The following RB1 variants were observed in gnomAD, a reference collection of about 807,000 sequenced individuals.
RB1 encodes retinoblastoma-associated protein.
In RB1, 18 loss-of-function variants were observed where a neutral mutation model predicts 135.4. The ratio of observed to expected loss-of-function variants is 0.13; its 90% CI spans 0.09 to 0.20. The LOEUF (loss-of-function observed/expected upper bound fraction) is 0.20, where lower values mean the gene tolerates loss of function less well. Ranked by LOEUF, RB1 falls within the 10% of genes least tolerant of loss-of-function variation. RB1 has a pLI of 1.00. For missense variants in RB1, 868 were observed against 1,110.0 expected, an observed-to-expected ratio of 0.78 and a Z score of 3.10; for synonymous variants, 365 against 373.2, an observed-to-expected ratio of 0.98 and a Z score of 0.25.
chr13:48,352,569 TC>T (rs1167789635), intron 6 of RB1, among the ~76,000 whole-genome samples: 3 of 152,150 alleles, frequency 2.0e-5, no homozygotes, highest in Non-Finnish European at 4.4e-5. Flanking sequence ...TAGAGAGCTT[TC>T]ACCTCCCTGG....
intron 2 of RB1, among the ~76,000 whole-genome samples, chr13:48,337,910 GA>G (rs2138077023): frequency 6.6e-6 from 1 of 152,262 alleles, no homozygotes; most frequent in African/African-American, 2.4e-5. Context: ...GTTTGCCTGT[GA>G]AGGATTTTAT....
chr13:48,325,528 G>A (rs533671014), intron 2 of RB1, among the ~76,000 whole-genome samples: 1 of 152,276 alleles, frequency 6.6e-6, no homozygotes, highest in South Asian at 2.1e-4. Context: ...AGTATAAACA[G>A]TAAAAAGTCT....
chr13:48,456,378 G>A (rs371761413), intron 19 of RB1, 29 bp downstream of exon 19: 11 of 1,611,434 alleles, frequency 6.8e-6, no homozygotes, highest in Non-Finnish European at 5.1e-6. Context: ...TCAAGAGCAT[G>A]GACTCTGAAA....
Position 48,373,511 on chromosome 13 carries a change from ATTAT to A in RB1, c.1215+25_1215+28del, listed in dbSNP as rs937437635. 1 of 1,449,708 alleles carries A rather than the reference ATTAT, an allele frequency of 6.9e-7. No homozygotes were observed. Among genetic ancestry groups the A allele is most frequent in the Admixed American group, 1.7e-5 (1 of 59,618 alleles). 89.8% of individuals were successfully genotyped at this position (1,449,708 alleles called of 1,614,324 possible). A position where few individuals can be genotyped will look rare whatever the true frequency, so the allele number is the denominator to read the frequency against. On this transcript the variant is annotated intron_variant, in intron 12 of 26. Transcript: ENST00000267163. ...TTTTAACGTAAGCCATATATGAAACATTATTTATTGTAATATCTTGGCAAAGAAA... is the reference window on the plus strand; with the variant it reads ...TTTTAACGTAAGCCATATATGAAACATTATTGTAATATCTTGGCAAAGAAA...
chr13:48,319,187 T>G lies in RB1; in HGVS notation c.264+11781T>G. The stretch of plus-strand genomic sequence containing the variant: ...CGTCTAGGCACCCCGGGCAAGGGTC[T>G]GTGGCCTTGGTGGCCACTGGCTTCC... On this transcript the variant is annotated intron_variant, in intron 2 of 26. Coordinates refer to ENST00000267163, the MANE Select transcript of RB1 (RefSeq NM_000321.3). The surrounding 1 kb of genome is among the most constrained non-coding windows in gnomAD (Gnocchi z 5.0). 1 of 636,636 alleles carries G rather than the reference T, an allele frequency of 1.6e-6. No homozygotes were observed. The highest frequency in any genetic ancestry group is 2.7e-5 in the Admixed American group (1 of 37,408). 39.4% of individuals were successfully genotyped at this position (636,636 alleles called of 1,614,324 possible).
intron 1 of RB1, among the ~76,000 whole-genome samples, chr13:48,305,626 A>G (rs1952074643): frequency 1.3e-5 from 2 of 151,554 alleles, no homozygotes; most frequent in African/African-American, 4.9e-5. Context: ...CATTTTATAT[A>G]TTTTAAGTAA....
intron 17 of RB1, among the ~76,000 whole-genome samples, chr13:48,449,249 A>G (rs1247930772): frequency 6.6e-6 from 1 of 152,214 alleles, no homozygotes; most frequent in African/African-American, 2.4e-5. Context: ...TAAAAGAGTA[A>G]ATCACTAAAA....
chr13:48,346,371 TG>T (rs1952498080), intron 4 of RB1, among the ~76,000 whole-genome samples: 1 of 916 alleles, frequency 1.1e-3, no homozygotes, highest in Non-Finnish European at 2.2e-3. Flanking sequence ...ATTATATATA[TG>T]TGTGTGTGTG....
intron 17 of RB1, among the ~76,000 whole-genome samples, chr13:48,417,628 A>C (rs1223652074): frequency 6.6e-6 from 1 of 152,190 alleles, no homozygotes; most frequent in African/African-American, 2.4e-5. Context: ...AAGGAAGCTA[A>C]AAACCTTGAA....
chr13:48,461,013 A>G (rs913102520), intron 20 of RB1, among the ~76,000 whole-genome samples: 2 of 152,194 alleles, frequency 1.3e-5, no homozygotes, highest in Non-Finnish European at 2.9e-5. Context: ...TAATAGCTTT[A>G]CTGAAATAAT....
chr13:48,420,536 G>T (rs1948989314), intron 17 of RB1, among the ~76,000 whole-genome samples: 1 of 152,130 alleles, frequency 6.6e-6, no homozygotes, highest in African/African-American at 2.4e-5. Context: ...GTTCTGTTCA[G>T]GGCAGTTAGA....
chr13:48,433,907 TC>T (rs1012516061), intron 17 of RB1, among the ~76,000 whole-genome samples: 11 of 151,874 alleles, frequency 7.2e-5, no homozygotes, highest in African/African-American at 2.7e-4. Flanking sequence ...ATACTTTTTT[TC>T]AGATAGGGTC....
intron 8 of RB1, 99 bp downstream of exon 8, chr13:48,363,056 T>C (rs1952657975): frequency 7.0e-7 from 1 of 1,434,270 alleles, no homozygotes; most frequent in African/African-American, 1.4e-5. Flanking sequence ...CATGTTTTTT[T>C]TGTAATTAGT....
At chr13:48,421,940 A>G (rs563574779) in intron 17 of RB1, among the ~76,000 whole-genome samples, 2 of 152,178 alleles carry the variant, frequency 1.3e-5, no homozygotes, top group Non-Finnish European at 1.5e-5. Context: ...TAGTTCAACC[A>G]TTGTGGAAGA....
intron 3 of RB1, 95 bp from the exon 4 acceptor site, chr13:48,344,985 A>G: frequency 1.4e-6 from 2 of 1,412,510 alleles, no homozygotes; most frequent in Non-Finnish European, 9.7e-7. Context: ...TGTAGAGCTG[A>G]TAATCTTTTG....
intron 4 of RB1, among the ~76,000 whole-genome samples, chr13:48,346,378 G>A (rs903378032): frequency 2.7e-5 from 3 of 112,672 alleles, no homozygotes; most frequent in African/African-American, 8.1e-5. Flanking sequence ...ATATGTGTGT[G>A]TGTGTGTGTG....
At chr13:48,304,644 G>A (rs1952063376) in intron 1 of RB1, among the ~76,000 whole-genome samples, 1 of 152,128 alleles carries the variant, frequency 6.6e-6, no homozygotes, top group Admixed American at 6.5e-5. Flanking sequence ...ATAATGCATC[G>A]AGGCCTTGGG....
chr13:48,304,696 T>C (rs557569736), intron 1 of RB1, among the ~76,000 whole-genome samples: 7 of 152,304 alleles, frequency 4.6e-5, no homozygotes, highest in African/African-American at 7.2e-5. Context: ...CGTAACTCTT[T>C]AGAGGAACTG....
chr13:48,338,992 T>C (rs1952414327), intron 2 of RB1, among the ~76,000 whole-genome samples: 3 of 152,156 alleles, frequency 2.0e-5, no homozygotes. Context: ...ACAGTGAATA[T>C]TGCTGAACAG....
Sources: gnomAD v4.1 joint callset for allele counts (sites outside exome capture counted in the v4.1 genomes callset) on GRCh38, gnomAD v4.1.1 for gene constraint, Gnocchi (gnomAD v3.1) non-coding constraint, MANE v1.5 for transcripts, NCBI Gene and HGNC (gene_info 2026-07-23, HGNC 2026-07-21) for gene names.